TEP1: variants seen among roughly 807,000 people sequenced by gnomAD.
TEP1 encodes telomerase associated protein 1, also known as telomerase protein component 1.
Under a neutral mutation model 306.3 loss-of-function variants are expected in TEP1, and 241 were observed. That is an observed-to-expected ratio of 0.79 (90% CI 0.71 to 0.88). The LOEUF is 0.88. Among genes scored for constraint, TEP1 ranks in the 40% least tolerant of loss-of-function variants. The pLI, the probability that TEP1 is intolerant of heterozygous loss-of-function variation, is 0.00. For missense variants in TEP1, 3,051 were observed against 3,276.1 expected (o/e 0.93, Z 1.68); for synonymous variants, 1,289 against 1,305.5 (o/e 0.99, Z 0.27).
intron 14 of TEP1, 53 bp downstream of exon 14, chr14:20,390,885 C>T (rs1877649770): frequency 1.2e-6 from 2 of 1,612,232 alleles, no homozygotes; most frequent in Non-Finnish European, 1.7e-6. Context: ...CTGGGCTATT[C>T]CCAGGCCTGT....
intron 25 of TEP1, 39 bp downstream of exon 25, chr14:20,383,704 T>C: frequency 6.2e-7 from 1 of 1,608,130 alleles, no homozygotes; most frequent in Non-Finnish European, 8.5e-7. Context: ...GGGTGGTACG[T>C]GGGCATCAAC....
At chr14:20,374,583 G>T in intron 43 of TEP1, 47 bp from the exon 44 acceptor site, 3 of 1,434,332 alleles carry the variant, frequency 2.1e-6, no homozygotes, top group Non-Finnish European at 9.7e-7. Flanking sequence ...CATCCCTCCA[G>T]CATTTTGGTA....
intron 1 of TEP1, among the ~76,000 whole-genome samples, chr14:20,409,601 C>T (rs1408737248): frequency 6.6e-6 from 1 of 152,190 alleles, no homozygotes; most frequent in African/African-American, 2.4e-5. Context: ...CCTTCCTTTG[C>T]CCCCTTTGCC....
chr14:20,398,444 T>C (rs1878397886), intron 9 of TEP1, among the ~76,000 whole-genome samples: 1 of 151,536 alleles, frequency 6.6e-6, no homozygotes, highest in African/African-American at 2.4e-5. Flanking sequence ...ATAATATAAT[T>C]CCAAATCCAT....
At chr14:20,369,022 T>A (rs1363808110) in intron 53 of TEP1, 120 bp from the exon 54 acceptor site, 1 of 764,872 alleles carries the variant, frequency 1.3e-6, no homozygotes, top group African/African-American at 1.8e-5. Flanking sequence ...TTTTTTTTTT[T>A]TTGAGACAAG....
At chr14:20,387,825 C>A in intron 18 of TEP1, 80 bp downstream of exon 18, 1 of 1,504,852 alleles carries the variant, frequency 6.6e-7, no homozygotes, top group Non-Finnish European at 8.9e-7. Context: ...ACCTCACCAG[C>A]TAGAATTTCA....
chr14:20,374,900 G>A (rs1324012428), intron 43 of TEP1, among the ~76,000 whole-genome samples: 1 of 152,114 alleles, frequency 6.6e-6, no homozygotes, highest in East Asian at 1.9e-4. Flanking sequence ...GACCAGCCTG[G>A]CCAACATGAG....
intron 1 of TEP1, among the ~76,000 whole-genome samples, chr14:20,412,196 T>C (rs1282170960): frequency 2.0e-5 from 3 of 152,152 alleles, no homozygotes; most frequent in African/African-American, 7.2e-5. Flanking sequence ...CTGTGCCCAA[T>C]ACACTTTGCT....
Position 20,380,233 on chromosome 14 carries a change from A to G in TEP1, c.5003+2T>C, listed in dbSNP as rs536244942. The G allele has an allele frequency of 6.2e-7, 1 of 1,613,354 alleles. No homozygotes were observed. Among genetic ancestry groups the G allele is most frequent in the African/African-American group, 1.3e-5 (1 of 74,996 alleles). Reference sequence around the variant, plus strand: ...TACTAGGGTCTGGGGTCAAGGTCTTACCTTTGCTGATTTTTCATGGTCCGG... The same window carrying G: ...TACTAGGGTCTGGGGTCAAGGTCTTGCCTTTGCTGATTTTTCATGGTCCGG... On this transcript the variant is annotated splice_donor_variant, in intron 34 of 54. Coordinates refer to ENST00000262715, the MANE Select transcript of TEP1 (RefSeq NM_007110.5). LOFTEE classifies it high-confidence loss of function.
intron 28 of TEP1, 76 bp from the exon 29 acceptor site, chr14:20,382,432 C>A: frequency 6.4e-7 from 1 of 1,558,546 alleles, no homozygotes; most frequent in Non-Finnish European, 8.7e-7. Context: ...AGGGAAGGGG[C>A]AGCAGGAGGA....
In TEP1 at chr14:20,382,212, C is replaced by G. The variant is rs1007015570; in HGVS notation, c.4273+12G>C. On this transcript the variant is annotated intron_variant, in intron 29 of 54. Transcript: ENST00000262715. ...CCCTCAGCCTCCCAACCAACCCACC[C>G]CAAGCACTGACCACTCCGTGTGACT... 6.2e-7 allele frequency: 1 copy of G among 1,614,022 alleles called. No homozygotes were observed. Among genetic ancestry groups the G allele is most frequent in the African/African-American group, 1.3e-5 (1 of 74,908 alleles).
chr14:20,399,879 T>C (rs1057282672), intron 9 of TEP1, among the ~76,000 whole-genome samples: 2 of 152,026 alleles, frequency 1.3e-5, no homozygotes, highest in African/African-American at 4.8e-5. Flanking sequence ...TATCTTCATA[T>C]GGCTGGGCGT....
At chr14:20,393,092 C>T (rs914045292) in intron 12 of TEP1, among the ~76,000 whole-genome samples, 1 of 152,014 alleles carries the variant, frequency 6.6e-6, no homozygotes, top group African/African-American at 2.4e-5. Context: ...TGGTGGGTGC[C>T]TGCAGTCCCA....
intron 27 of TEP1, 79 bp downstream of exon 27, chr14:20,383,095 C>G: frequency 6.8e-7 from 1 of 1,465,730 alleles, no homozygotes; most frequent in Non-Finnish European, 9.2e-7. Flanking sequence ...TGCAAGGCAG[C>G]TAGCGGCCTC....
At chr14:20,385,172 G>T (rs1877024343) in intron 20 of TEP1, 63 bp from the exon 21 acceptor site, 2 of 1,596,222 alleles carry the variant, frequency 1.3e-6, no homozygotes, top group African/African-American at 2.7e-5. Flanking sequence ...CTCCAGACCT[G>T]CCAAGGCCCC....
Position 20,369,753 on chromosome 14 carries a change from T to C in TEP1, c.7344A>G (p.Glu2448=). The C allele has an allele frequency of 6.2e-7, 1 of 1,614,168 alleles. No homozygotes were observed. Among genetic ancestry groups the C allele is most frequent in the Non-Finnish European group, 8.5e-7 (1 of 1,180,020 alleles). ...AGTTTATATCAAAGTTCAGCCTCTC[T>C]TCAAACTCTCCTGATTCCTTTTGCC... is the stretch of plus-strand genomic sequence containing the variant. ...FLRQKESGEF[E]ERLNFDINLE... The change falls in exon 52 of 55, where the codon GAA becomes GAG. Residue 2448 remains glutamate, a synonymous_variant. Coordinates refer to ENST00000262715, the MANE Select transcript of TEP1 (RefSeq NM_007110.5).
chr14:20,372,396 G>GTA (rs2139001937), intron 49 of TEP1, among the ~76,000 whole-genome samples: 1 of 136,734 alleles, frequency 7.3e-6, no homozygotes, highest in Non-Finnish European at 1.7e-5. Context: ...GTGTGTGTGT[G>GTA]TGTGTGTGTG....
In TEP1 at chr14:20,391,661, C is replaced by G; in HGVS notation, c.2035G>C (p.Val679Leu). ...TTAGCATCTGTCAGATAGACCAAGA[C>G]AGTGCGGCCTGGCAGCAGGGGCAGG... Reference protein sequence around the residue: ...HSLPLLPGRTVLVYLTDANAD... With the variant: ...HSLPLLPGRTLLVYLTDANAD... The change falls in exon 13 of 55, where the codon GTC becomes CTC. Residue 679 changes from valine (V) to leucine (L), a missense_variant. Around this residue, in one of 3 missense-constraint regions of TEP1, gnomAD observed 1,507 missense variants for 1,550.5 expected, o/e 0.97. Coordinates refer to ENST00000262715, the MANE Select transcript of TEP1 (RefSeq NM_007110.5). 1 of 1,614,178 alleles carries G rather than the reference C, an allele frequency of 6.2e-7. No homozygotes were observed.
intron 9 of TEP1, among the ~76,000 whole-genome samples, chr14:20,400,497 C>CAAAAAAAAAAAAAAA (rs71108598): frequency 4.0e-4 from 34 of 85,470 alleles, no homozygotes; most frequent in East Asian, 1.3e-3. Flanking sequence ...AAAAGTAGAC[C>CAAAAAAAAAAAAAAA]AAAAAAAAAA....
Sources: gnomAD v4.1 joint callset for allele counts (sites outside exome capture counted in the v4.1 genomes callset) on GRCh38, gnomAD v4.1.1 for gene constraint, gnomAD v4.1.1 regional missense constraint, MANE v1.5 for transcripts, NCBI Gene and HGNC (gene_info 2026-07-23, HGNC 2026-07-21) for gene names.